The following NOTCH4 variants were observed in gnomAD, a reference collection of about 807,000 sequenced individuals.
NOTCH4 encodes the protein notch receptor 4.
In NOTCH4, 138 loss-of-function variants were observed where a neutral mutation model predicts 189.0. The ratio of observed to expected loss-of-function variants is 0.73; its 90% confidence interval spans 0.64 to 0.84. NOTCH4 has a LOEUF of 0.84. NOTCH4 is among the 40% of genes least tolerant of loss of function. The pLI is 0.00. For synonymous variants in NOTCH4, 942 were observed against 1,032.8 expected, an observed-to-expected ratio of 0.91 and a Z score of 1.69; for missense variants, 2,286 against 2,605.4, an observed-to-expected ratio of 0.88 and a Z score of 2.67.
At position 32,196,379 on chromosome 6, in the gene NOTCH4, C is replaced by T. The variant is rs1425761237; in HGVS notation, c.5243G>A (p.Arg1748Gln). Residue 1748 changes from arginine to glutamine, a missense_variant, in exon 29 of 30, where the codon CGA (arginine) becomes CAA (glutamine). Arg to Gln is a conservative substitution (Grantham distance 43, BLOSUM62 1). Around this residue, in one of 2 missense-constraint regions of NOTCH4, gnomAD observed 1,903 missense variants for 2,261.9 expected, o/e 0.84. Transcript: ENST00000375023. ...LHWAAAVNNA[R>Q]AARSLLQAGA... is the part of the protein sequence containing the mutation. ...GGCCTGGAGAAGCGAGCGGGCGGCT[C>T]GGGCGTTGTTCACGGCAGCAGCCCA... 4 of 1,613,136 alleles carry T rather than the reference C, an allele frequency of 2.5e-6. No individual in the cohort carries two copies. In the Admixed American group the frequency reaches 5.0e-5, roughly 20 times the overall value.
At position 32,216,029 on chromosome 6, in the gene NOTCH4, A is replaced by AT. The variant is rs28359853; in HGVS notation, c.1862-645dup. 7.6e-3 allele frequency: 819 copies of AT among 107,834 alleles called. 8 individuals carry two copies. The highest frequency in any genetic ancestry group is 0.019 in the African/African-American group (595 of 30,922). 6.7% of individuals were successfully genotyped at this position (107,834 alleles called of 1,614,324 possible). ...GCCACCACGCCTGGCTAATTTTTGT[A>AT]TTTTTTTTTTTTTTTGAGGTGGAGT... is the stretch of plus-strand genomic sequence containing the variant. On this transcript the variant is annotated intron_variant, in intron 11 of 29. Coordinates refer to ENST00000375023, the MANE Select transcript of NOTCH4 (RefSeq NM_004557.4).
intron 18 of NOTCH4, among the ~76,000 whole-genome samples, chr6:32,209,384 T>A (rs1205886280): frequency 4.6e-5 from 7 of 152,150 alleles, no homozygotes; most frequent in African/African-American, 1.2e-4. Flanking sequence ...GAGAGGTTGG[T>A]TAATGGATAC....
In NOTCH4 at chr6:32,200,854, G is replaced by C; in HGVS notation, c.4292C>G (p.Ala1431Gly). 6.2e-7 allele frequency: 1 copy of C among 1,607,770 alleles called. No homozygotes were observed. ...LEPLLPGPLLAVHPHAGTAPP... is the reference protein window; with the variant it reads ...LEPLLPGPLLGVHPHAGTAPP... Reference sequence around the variant, plus strand: ...ACCGGTCCCTGCATGAGGGTGGACAGCCAGCAGTGGTCCAGGCAGCAGGGG... The same window carrying C: ...ACCGGTCCCTGCATGAGGGTGGACACCCAGCAGTGGTCCAGGCAGCAGGGG... The change falls in exon 23 of 30, where the codon GCT (alanine) becomes GGT (glycine). Residue 1431 changes from alanine to glycine, a missense_variant. Transcript: ENST00000375023. This position sits in a 1 kb window ranked among gnomAD's most constrained non-coding sequence, Gnocchi z 5.0.
rs2127465770 is a variant in NOTCH4, at chr6:32,201,254, A to G, written c.4002T>C (p.Asp1334=). The change falls in exon 22 of 30, where the codon GAT becomes GAC. Residue 1334 remains aspartate (D), a synonymous_variant. Coordinates refer to ENST00000375023, the MANE Select transcript of NOTCH4 (RefSeq NM_004557.4). This position sits in a 1 kb window ranked among gnomAD's most constrained non-coding sequence, Gnocchi z 5.5. ...GATAGGGGTACACCATGTCCCTGCC[A>G]TCACGATCCTTCCTTACCCAGAGTC... ...RVGLWVRKDR[D]GRDMVYPYPG... is the part of the protein sequence containing the mutation. 6.2e-7 allele frequency: 1 copy of G among 1,612,990 alleles called. No homozygotes were observed. Among genetic ancestry groups the G allele is most frequent in the South Asian group, 1.1e-5 (1 of 91,082 alleles).
rs369085390 is a variant in NOTCH4 at position 32,212,410 on chromosome 6, C to T, written c.2680+64G>A. 24 of 1,472,908 alleles carry T rather than the reference C, an allele frequency of 1.6e-5. No homozygotes were observed. Among genetic ancestry groups the T allele is most frequent in the Middle Eastern group, 1.8e-4 (1 of 5,436 alleles). 91.2% of individuals were successfully genotyped at this position (1,472,908 alleles called of 1,614,324 possible). A position where few individuals can be genotyped will look rare whatever the true frequency, so the allele number is the denominator to read the frequency against. ...AAAGCTGTGTGGAAGCCCACAGGAA[C>T]GGGGCAGGTGAGAACACCCATATTT... On this transcript the variant is annotated intron_variant, in intron 17 of 29. Coordinates refer to ENST00000375023, the MANE Select transcript of NOTCH4 (RefSeq NM_004557.4). This position sits in a 1 kb window ranked among gnomAD's most constrained non-coding sequence, Gnocchi z 4.4.
chr6:32,199,399 T>A lies in NOTCH4; in HGVS notation c.4316-254A>T. Among the ~76,000 whole-genome samples, 1 of 152,112 alleles carries A rather than the reference T, an allele frequency of 6.6e-6. No individual in the cohort carries two copies. Among genetic ancestry groups the A allele is most frequent in the Non-Finnish European group, 1.5e-5 (1 of 68,026 alleles). On this transcript the variant is annotated intron_variant, in intron 23 of 29. Coordinates refer to ENST00000375023, the MANE Select transcript of NOTCH4 (RefSeq NM_004557.4). The surrounding 1 kb of genome is among the most constrained non-coding windows in gnomAD (Gnocchi z 4.9). ...CTGGCCAACATGGCAAAACCCCCTC[T>A]CTACTAAAAATATAAAAATTAGTGG...
At position 32,201,910 on chromosome 6, in the gene NOTCH4, A is replaced by T. The variant is rs1386909377; in HGVS notation, c.3755+166T>A. On this transcript the variant is annotated intron_variant, in intron 21 of 29. Transcript: ENST00000375023. This position sits in a 1 kb window ranked among gnomAD's most constrained non-coding sequence, Gnocchi z 5.5. Reference sequence around the variant, plus strand: ...AATACTGATGCCACCCCATTACCCTAGGTTGGAGTCCAGAGTCTTCGACCC... The same window carrying T: ...AATACTGATGCCACCCCATTACCCTTGGTTGGAGTCCAGAGTCTTCGACCC... 1 of 534,008 alleles carries T rather than the reference A, an allele frequency of 1.9e-6. No individual in the cohort carries two copies. The highest frequency in any genetic ancestry group is 1.9e-5 in the African/African-American group (1 of 51,380). 33.1% of individuals were successfully genotyped at this position (534,008 alleles called of 1,614,324 possible).
In NOTCH4 at chr6:32,198,721, C is replaced by T. The variant is rs1384602678; in HGVS notation, c.4545G>A (p.Lys1515=). The part of the protein sequence containing the change: ...GEDSIGLKAL[K]PKAEVDEDGV... ...CATCCTCATCAACTTCTGCCTTTGG[C>T]TTCAGTGCCCTGGAAAGGAATGGGT... is the stretch of plus-strand genomic sequence containing the variant. The change falls in exon 25 of 30, where the codon AAG becomes AAA. Residue 1515 remains lysine, a synonymous_variant. Transcript: ENST00000375023. The surrounding 1 kb of genome is among the most constrained non-coding windows in gnomAD (Gnocchi z 5.5). 1.7e-5 allele frequency: 27 copies of T among 1,611,188 alleles called. No individual in the cohort carries two copies. The highest frequency in any genetic ancestry group is 2.3e-5 in the Non-Finnish European group (27 of 1,179,062).
chr6:32,213,670 G>GAC lies in NOTCH4; in HGVS notation c.2320+16_2320+17dup, dbSNP rs1185839921. 2 of 1,611,662 alleles carry GAC rather than the reference G, an allele frequency of 1.2e-6. No homozygotes were observed. The highest frequency in any genetic ancestry group is 1.7e-6 in the Non-Finnish European group (2 of 1,179,214). ...ATTCTCCTGTGGACCCCAGCCCCAT[G>GAC]ACACAGTGGGCACTCACCAGACACA... is the stretch of plus-strand genomic sequence containing the variant. On this transcript the variant is annotated intron_variant, in intron 14 of 29. Transcript: ENST00000375023.
At chr6:32,207,337 A>G (rs1248888127) in intron 18 of NOTCH4, among the ~76,000 whole-genome samples, 2 of 147,422 alleles carry the variant, frequency 1.4e-5, no homozygotes, top group African/African-American at 4.9e-5. Flanking sequence ...AAGAAACTAA[A>G]CCTAGGCCGG....
In NOTCH4 at chr6:32,195,316, A is replaced by T; in HGVS notation, c.*121T>A. On this transcript the variant is annotated 3_prime_UTR_variant, in exon 30 of 30. Transcript: ENST00000375023. The surrounding 1 kb of genome is among the most constrained non-coding windows in gnomAD (Gnocchi z 5.4). ...GCTCTGGTGGGCATACATTCATTTT[A>T]GGAGAGAAACTAAACTCACAACCCT... 1.1e-6 allele frequency: 1 copy of T among 919,480 alleles called. No homozygotes were observed. Among genetic ancestry groups the T allele is most frequent in the Non-Finnish European group, 1.6e-6 (1 of 623,022 alleles). 57.0% of individuals were successfully genotyped at this position (919,480 alleles called of 1,614,324 possible). A position where few individuals can be genotyped will look rare whatever the true frequency, so the allele number is the denominator to read the frequency against.
At chr6:32,215,498 C>T (rs1789344646) in intron 11 of NOTCH4, 113 bp from the exon 12 acceptor site, 1 of 1,044,524 alleles carries the variant, frequency 9.6e-7, no homozygotes, top group African/African-American at 1.6e-5. Flanking sequence ...TTACTCACTC[C>T]CTATGAACCC....
In NOTCH4 at chr6:32,194,861, T is replaced by G. The variant is rs1787751868; in HGVS notation, c.*576A>C. 2 of 233,140 alleles carry G rather than the reference T, an allele frequency of 8.6e-6. No homozygotes were observed. The highest frequency in any genetic ancestry group is 1.7e-5 in the Non-Finnish European group (2 of 117,930). 14.4% of individuals were successfully genotyped at this position (233,140 alleles called of 1,614,324 possible). On this transcript the variant is annotated 3_prime_UTR_variant, in exon 30 of 30. Transcript: ENST00000375023. This position sits in a 1 kb window ranked among gnomAD's most constrained non-coding sequence, Gnocchi z 4.5. ...AAAAAGGTAACACTTCAAATCAGCTTTATTATGGGTGACAGATTTAGGGTT... is the reference window on the plus strand; with the variant it reads ...AAAAAGGTAACACTTCAAATCAGCTGTATTATGGGTGACAGATTTAGGGTT...
intron 17 of NOTCH4, among the ~76,000 whole-genome samples, chr6:32,211,993 C>T (rs181883142): frequency 5.3e-5 from 8 of 152,314 alleles, no homozygotes; most frequent in African/African-American, 1.7e-4. Context: ...CCCTGTGATT[C>T]CCATCAGCTA....
rs1789735573 is a variant in NOTCH4, at chr6:32,221,013, T to C, written c.764A>G (p.Lys255Arg). 6.2e-7 allele frequency: 1 copy of C among 1,607,050 alleles called. No homozygotes were observed. Among genetic ancestry groups the C allele is most frequent in the Non-Finnish European group, 8.5e-7 (1 of 1,175,592 alleles). ...GAGGCAGAGGTGAAAGGTGGAGTCT[T>C]TCTCTGGCATCAGCTGGCAGGTGCC... ...NGGTCQLMPEKDSTFHLCLCP... is the reference protein window; with the variant it reads ...NGGTCQLMPERDSTFHLCLCP... Residue 255 changes from lysine to arginine, a missense_variant, in exon 4 of 30, where the codon AAA (lysine) becomes AGA (arginine). Physicochemically the swap from Lys to Arg is conservative, Grantham distance 26. Coordinates refer to ENST00000375023, the MANE Select transcript of NOTCH4 (RefSeq NM_004557.4). This position sits in a 1 kb window ranked among gnomAD's most constrained non-coding sequence, Gnocchi z 4.3.
rs755753414 is a variant in NOTCH4, at chr6:32,201,230, A to G, written c.4026T>C (p.Tyr1342=). 2 of 1,612,932 alleles carry G rather than the reference A, an allele frequency of 1.2e-6. No homozygotes were observed. Among genetic ancestry groups the G allele is most frequent in the Admixed American group, 3.3e-5 (2 of 60,002 alleles). Residue 1342 remains tyrosine (Y), a synonymous_variant, in exon 22 of 30, where the codon TAT becomes TAC. Coordinates refer to ENST00000375023, the MANE Select transcript of NOTCH4 (RefSeq NM_004557.4). The surrounding 1 kb of genome is among the most constrained non-coding windows in gnomAD (Gnocchi z 5.5). ...GCTTTTCTTCAGCCCGGGCCCCAGG[A>G]TAGGGGTACACCATGTCCCTGCCAT... ...DRDGRDMVYP[Y]PGARAEEKLG... is the part of the protein sequence containing the mutation.
chr6:32,210,859 G>T lies in NOTCH4; in HGVS notation c.2758C>A (p.Pro920Thr). ...TGGCACAGGCTGCCTTGGAATCCAG[G>T]GGGGCAGTGGCAGAAATAGGAGGGG... The part of the protein sequence containing the change: ...SGPSYFCHCP[P>T]GFQGSLCQDH... Residue 920 changes from proline to threonine, a missense_variant, in exon 18 of 30, where the codon CCT becomes ACT. By Grantham distance (38) the Pro-to-Thr change is conservative. Transcript: ENST00000375023. The surrounding 1 kb of genome is among the most constrained non-coding windows in gnomAD (Gnocchi z 4.8). 3.1e-6 allele frequency: 5 copies of T among 1,612,948 alleles called. No homozygotes were observed. The highest frequency in any genetic ancestry group is 4.2e-6 in the Non-Finnish European group (5 of 1,179,956).
Position 32,224,028 on chromosome 6 carries a change from C to T in NOTCH4, c.-100G>A. On this transcript the variant is annotated 5_prime_UTR_variant, in exon 1 of 30. Coordinates refer to ENST00000375023, the MANE Select transcript of NOTCH4 (RefSeq NM_004557.4). ...GAGCCACCTCCTCTGCTCCCACTGC[C>T]CCTCTTCTTCCTCCTCGGCCTGCTG... 1 of 1,210,760 alleles carries T rather than the reference C, an allele frequency of 8.3e-7. No individual in the cohort carries two copies. The allele number at this position is 1,210,760 out of a possible 1,614,324, so 75.0% of individuals were successfully genotyped here.
intron 8 of NOTCH4, 30 bp from the exon 9 acceptor site, chr6:32,218,138 G>A (rs1789532136): frequency 3.6e-6 from 5 of 1,408,104 alleles, no homozygotes; most frequent in Non-Finnish European, 3.0e-6. Flanking sequence ...GAGGGCTGTG[G>A]CTCAGCCAGG....
Sources: gnomAD v4.1 joint callset for allele counts (sites outside exome capture counted in the v4.1 genomes callset) on GRCh38, gnomAD v4.1.1 for gene constraint, gnomAD v4.1.1 regional missense constraint, Gnocchi (gnomAD v3.1) non-coding constraint, MANE v1.5 for transcripts, NCBI Gene and HGNC (gene_info 2026-07-23, HGNC 2026-07-21) for gene names.